CAST: variants seen among roughly 807,000 people sequenced by gnomAD.
CAST encodes the protein calpastatin, also known as MIR583 host.
In CAST, 76 loss-of-function variants were observed where a neutral mutation model predicts 119.6. That is an observed-to-expected ratio of 0.64 (90% CI 0.53 to 0.77). The LOEUF is 0.77. Among genes scored for constraint, CAST ranks in the 30% least tolerant of loss-of-function variants. CAST has a pLI of 0.00. For synonymous variants in CAST, 319 were observed against 331.6 expected, an observed-to-expected ratio of 0.96 and a Z score of 0.41; for missense variants, 953 against 946.5, an observed-to-expected ratio of 1.01 and a Z score of -0.09.
chr5:96,558,855 T>C (rs1340106965), intron 1 of CAST, among the ~76,000 whole-genome samples: 2 of 152,166 alleles, frequency 1.3e-5, no homozygotes, highest in Admixed American at 6.5e-5. Context: ...TAACTCATTT[T>C]ATGAGGCCAG....
chr5:96,472,801 G>C, the CAST span, among the ~76,000 whole-genome samples: 2 of 152,206 alleles, frequency 1.3e-5, no homozygotes, highest in South Asian at 4.1e-4. Context: ...CACTATTTTA[G>C]ATTCCAAATC....
chr5:96,290,479 T>C, the CAST span, among the ~76,000 whole-genome samples: 1 of 120,704 alleles, frequency 8.3e-6, no homozygotes, highest in Non-Finnish European at 1.7e-5. Flanking sequence ...TAAATAAAAC[T>C]CAGACTCATC....
At chr5:96,033,127 G>C in the CAST span, among the ~76,000 whole-genome samples, 1 of 152,020 alleles carries the variant, frequency 6.6e-6, no homozygotes, top group Non-Finnish European at 1.5e-5. Flanking sequence ...GGAGATGAAA[G>C]ATCTCTACAC....
the CAST span, among the ~76,000 whole-genome samples, chr5:96,262,690 C>T: frequency 2.9e-3 from 437 of 152,112 alleles, 1 homozygote; most frequent in African/African-American, 1.0e-2. Context: ...CCACCACGCC[C>T]GGCTAATTTT....
the CAST span, among the ~76,000 whole-genome samples, chr5:96,365,373 T>A: frequency 3.3e-5 from 5 of 152,236 alleles, no homozygotes; most frequent in Non-Finnish European, 5.9e-5. Context: ...AATTCCCAGA[T>A]ATCCTTGTTA....
chr5:96,274,712 A>G, the CAST span, among the ~76,000 whole-genome samples: 12 of 152,202 alleles, frequency 7.9e-5, no homozygotes, highest in Non-Finnish European at 1.5e-4. Flanking sequence ...TCGCTAGCCT[A>G]TGCTTATTCT....
chr5:96,170,681 C>A, the CAST span, among the ~76,000 whole-genome samples: 1 of 152,094 alleles, frequency 6.6e-6, no homozygotes, highest in African/African-American at 2.4e-5. Flanking sequence ...TGCTGCCAAA[C>A]GAACCATGAA....
At chr5:96,410,744 A>G in the CAST span, 2 of 1,554,816 alleles carry the variant, frequency 1.3e-6, no homozygotes, top group South Asian at 1.1e-5. Flanking sequence ...CTCCTAACTA[A>G]GCAGAGAGAA....
chr5:96,056,099 T>A, the CAST span, among the ~76,000 whole-genome samples: 27 of 152,050 alleles, frequency 1.8e-4, 1 homozygote, highest in African/African-American at 6.3e-4. Flanking sequence ...TTACCTTACC[T>A]CCCCCTAGTT....
the CAST span, among the ~76,000 whole-genome samples, chr5:96,091,680 A>G: frequency 6.6e-6 from 1 of 150,480 alleles, no homozygotes. Flanking sequence ...TAATTTTTGT[A>G]TTTTTAGTAG....
chr5:96,722,615 T>C (rs774701574), intron 3 of CAST, 24 bp from the exon 4 acceptor site: 18 of 1,582,464 alleles, frequency 1.1e-5, no homozygotes, highest in Non-Finnish European at 1.6e-5. Context: ...AATCGAACTT[T>C]CTATTTCTTT....
chr5:96,351,695 T>C, the CAST span, among the ~76,000 whole-genome samples: 1 of 150,270 alleles, frequency 6.7e-6, no homozygotes, highest in Non-Finnish European at 1.5e-5. Flanking sequence ...GTGGGTGTAA[T>C]GAGAAAAAAC....
chr5:96,042,902 A>G, the CAST span, among the ~76,000 whole-genome samples: 3 of 152,200 alleles, frequency 2.0e-5, no homozygotes, highest in Non-Finnish European at 2.9e-5. Context: ...ACATGTAATT[A>G]TATTATTTTA....
chr5:96,465,134 AT>A, the CAST span, among the ~76,000 whole-genome samples: 1 of 151,378 alleles, frequency 6.6e-6, no homozygotes, highest in East Asian at 1.9e-4. Context: ...CTTTTGGCAG[AT>A]TTTTTTTCTA....
intron 11 of CAST, among the ~76,000 whole-genome samples, chr5:96,739,604 A>T (rs534508960): frequency 1.3e-5 from 2 of 152,342 alleles, no homozygotes; most frequent in African/African-American, 4.8e-5. Context: ...ATTTCTGATT[A>T]ACAGGGAAAG....
chr5:96,647,653 A>G (rs555700803), intron 1 of CAST, among the ~76,000 whole-genome samples: 3 of 152,148 alleles, frequency 2.0e-5, no homozygotes, highest in Non-Finnish European at 4.4e-5. Context: ...CCTTGTTAAA[A>G]ATACATAATA....
the CAST span, among the ~76,000 whole-genome samples, chr5:96,126,977 G>A: frequency 6.6e-6 from 1 of 152,040 alleles, no homozygotes; most frequent in African/African-American, 2.4e-5. Flanking sequence ...TGTTTTGAAG[G>A]CTTATTGACT....
chr5:96,431,900 A>G, the CAST span, among the ~76,000 whole-genome samples: 1 of 152,160 alleles, frequency 6.6e-6, no homozygotes, highest in South Asian at 2.1e-4. Context: ...ATTCCGAGCC[A>G]AGGAAAGGAA....
intron 16 of CAST, among the ~76,000 whole-genome samples, chr5:96,745,012 T>A (rs1221183029): frequency 2.0e-5 from 3 of 152,164 alleles, no homozygotes; most frequent in African/African-American, 7.2e-5. Flanking sequence ...AGAGCAGGCA[T>A]TTCAAGACTA....
Sources: allele counts gnomAD v4.1 joint callset (sites outside exome capture counted in the v4.1 genomes callset), GRCh38; gene constraint gnomAD v4.1.1; transcripts MANE v1.5; gene names NCBI Gene and HGNC (gene_info 2026-07-23, HGNC 2026-07-21).